The following GRAMD4 variants were observed in gnomAD, a reference collection of about 807,000 sequenced individuals.
GRAMD4 encodes the protein GRAM domain-containing protein 4.
GRAMD4 carries 25 observed loss-of-function variants against 83.9 expected under a neutral mutation model. The ratio of observed to expected loss-of-function variants is 0.30; its 90% confidence interval spans 0.22 to 0.42. GRAMD4 has a LOEUF of 0.42. GRAMD4 is among the 10% of genes least tolerant of loss of function. GRAMD4 has a pLI of 1.00. For missense variants in GRAMD4, 593 were observed against 788.7 expected (o/e 0.75, Z 2.97); for synonymous variants, 336 against 320.9 (o/e 1.05, Z -0.50).
rs1311058881 is a variant in GRAMD4 at position 46,676,617 on chromosome 22, C to T, written c.1581C>T (p.Val527=). Residue 527 remains valine, a synonymous_variant, in exon 18 of 19, where the codon GTC becomes GTT. Transcript: ENST00000406902. ...CCTTTCAGTACAAGGTCCTGTCTGT[C>T]CTCCCAGGCTCAGGCATGGGGATTG... ...TDIQKYKVLS[V]LPGSGMGIAV... 2.6e-6 allele frequency: 4 copies of T among 1,549,256 alleles called. No individual in the cohort carries two copies. The highest frequency in any genetic ancestry group is 2.0e-5 in the Admixed American group (1 of 50,992).
chr22:46,587,392 C>G (rs1024195991), intron 1 of GRAMD4, among the ~76,000 whole-genome samples: 1 of 152,106 alleles, frequency 6.6e-6, no homozygotes, highest in African/African-American at 2.4e-5. Context: ...TCCAAAAGCC[C>G]AGCCGTCCGG....
chr22:46,663,030 C>T lies in GRAMD4; in HGVS notation c.467-10C>T, dbSNP rs1309345222. On this transcript the variant is annotated splice_polypyrimidine_tract_variant and intron_variant, in intron 5 of 18. Transcript: ENST00000406902. The stretch of plus-strand genomic sequence containing the variant: ...CTGCCGTGCCCTCACCGGGTCCCTG[C>T]CCCCTGCAGAGCGCCGGAGCCAGGG... 2 of 1,599,616 alleles carry T rather than the reference C, an allele frequency of 1.3e-6. No individual in the cohort carries two copies. Among genetic ancestry groups the T allele is most frequent in the South Asian group, 1.1e-5 (1 of 90,158 alleles).
chr22:46,601,463 TTTTTA>T lies in GRAMD4; in HGVS notation c.-50+24179_-50+24183del, dbSNP rs1157382357. Among the ~76,000 whole-genome samples the T allele has an allele frequency of 2.3e-4, 35 of 151,860 alleles. 1 individual carries two copies. The East Asian group carries it at 6.7e-3, about 29-fold the overall frequency. Reference sequence around the variant, plus strand: ...GAATTAGGGTGTTTTGGGTTTTTTGTTTTTATTTTAATTTTTATTTTATTAAAATT... The same window carrying T: ...GAATTAGGGTGTTTTGGGTTTTTTGTTTTTAATTTTTATTTTATTAAAATT... On this transcript the variant is annotated intron_variant, in intron 1 of 1. Coordinates refer to the GRAMD4 transcript ENST00000431155.
chr22:46,652,379 G>A (rs1331421386), intron 3 of GRAMD4, among the ~76,000 whole-genome samples: 1 of 152,214 alleles, frequency 6.6e-6, no homozygotes, highest in Non-Finnish European at 1.5e-5. Flanking sequence ...GGAGCCTGCA[G>A]AAGGAACAGC....
In GRAMD4 at chr22:46,667,515, T is replaced by C. The variant is rs533658024; in HGVS notation, c.859-581T>C. Reference sequence around the variant, plus strand: ...GGCCATGGAAGCCAAAAATATTTACTGTCTGGCCCTTTACAGAAGTCTGCT... The same window carrying C: ...GGCCATGGAAGCCAAAAATATTTACCGTCTGGCCCTTTACAGAAGTCTGCT... On this transcript the variant is annotated intron_variant, in intron 10 of 18. Coordinates refer to ENST00000406902, the MANE Select transcript of GRAMD4 (RefSeq NM_015124.5). 3.9e-5 allele frequency among the ~76,000 whole-genome samples: 6 copies of C among 152,384 alleles called. No homozygotes were observed. In the South Asian group the frequency reaches 1.0e-3, roughly 26 times the overall value.
chr22:46,652,148 G>T (rs1258729859), intron 3 of GRAMD4, among the ~76,000 whole-genome samples: 2 of 152,194 alleles, frequency 1.3e-5, no homozygotes, highest in African/African-American at 4.8e-5. Context: ...CTTTGTAGAT[G>T]TGGATGAGTC....
At chr22:46,607,723 G>A (rs1308447360) in intron 1 of GRAMD4, among the ~76,000 whole-genome samples, 1 of 152,170 alleles carries the variant, frequency 6.6e-6, no homozygotes, top group Non-Finnish European at 1.5e-5. Flanking sequence ...CATTGGCCAG[G>A]GTGCTCCACG....
chr22:46,597,870 G>A (rs144439657), intron 1 of GRAMD4, among the ~76,000 whole-genome samples: 1,524 of 152,292 alleles, frequency 0.01, 29 homozygotes, highest in African/African-American at 0.035. Flanking sequence ...TAGGTGACAC[G>A]TTGGTTTTGT....
At chr22:46,607,594 A>C (rs898568933) in intron 1 of GRAMD4, among the ~76,000 whole-genome samples, 33 of 152,282 alleles carry the variant, frequency 2.2e-4, no homozygotes, top group African/African-American at 7.7e-4. Flanking sequence ...CCCTGGATGC[A>C]TCCTGACATG....
Position 46,643,119 on chromosome 22 carries a change from CCATG to C in GRAMD4, c.283+5163_283+5166del, listed in dbSNP as rs376682374. Among the ~76,000 whole-genome samples the C allele has an allele frequency of 7.9e-3, 813 of 102,302 alleles. 1 individual carries two copies. Among genetic ancestry groups the C allele is most frequent in the Non-Finnish European group, 9.4e-3 (438 of 46,674 alleles). 67.1% of individuals were successfully genotyped at this position (102,302 alleles called of 152,430 possible). A position where few individuals can be genotyped will look rare whatever the true frequency, so the allele number is the denominator to read the frequency against. ...TCCATCCATCCATCCATCCATCCAT[CCATG>C]CATCCATCCATGCATCCTTCCATCC... On this transcript the variant is annotated intron_variant, in intron 3 of 18. Transcript: ENST00000406902.
rs1368160199 is a variant in GRAMD4 at position 46,622,040 on chromosome 22, G to A, written c.-50+1475G>A. Among the ~76,000 whole-genome samples, 1 of 152,200 alleles carries A rather than the reference G, an allele frequency of 6.6e-6. No individual in the cohort carries two copies. Among genetic ancestry groups the A allele is most frequent in the Admixed American group, 6.5e-5 (1 of 15,288 alleles). On this transcript the variant is annotated intron_variant, in intron 1 of 18. Transcript: ENST00000406902. This position sits in a 1 kb window ranked among gnomAD's most constrained non-coding sequence, Gnocchi z 4.0. ...ACCCTGGGTTTGGGGCTGAGCCGGTGGCTGGGAGAGCAGACTGAGGAGTAG... is the reference window on the plus strand; with the variant it reads ...ACCCTGGGTTTGGGGCTGAGCCGGTAGCTGGGAGAGCAGACTGAGGAGTAG...
At chr22:46,603,563 C>G (rs553186400) in intron 1 of GRAMD4, among the ~76,000 whole-genome samples, 5 of 131,794 alleles carry the variant, frequency 3.8e-5, no homozygotes, top group African/African-American at 1.5e-4. Context: ...GTCACCCAGG[C>G]TGGAGTGCAG....
upstream of GRAMD4, among the ~76,000 whole-genome samples, chr22:46,618,340 CA>C (rs1373014902): frequency 1.3e-5 from 2 of 152,124 alleles, no homozygotes; most frequent in African/African-American, 4.8e-5. This position sits in a 1 kb window ranked among gnomAD's most constrained non-coding sequence, Gnocchi z 5.8. Flanking sequence ...AGGAAGCCAT[CA>C]GGGCAATCCA....
chr22:46,612,106 C>T (rs61496870), intron 1 of GRAMD4, among the ~76,000 whole-genome samples: 2,140 of 56,182 alleles, frequency 0.038, 23 homozygotes, highest in South Asian at 0.064. Flanking sequence ...TGGTCTCAAG[C>T]GACTCTCCTG....
chr22:46,579,608 G>A (rs961779834), intron 1 of GRAMD4, among the ~76,000 whole-genome samples: 3 of 152,200 alleles, frequency 2.0e-5, no homozygotes, highest in African/African-American at 7.2e-5. Context: ...CTGGGGCCCC[G>A]ATAGTCCCAT....
chr22:46,663,994 G>C, intron 7 of GRAMD4, 32 bp from the exon 8 acceptor site: 1 of 1,593,008 alleles, frequency 6.3e-7, no homozygotes. Flanking sequence ...CCTACCCACA[G>C]TGCTGACCAC....
At chr22:46,642,421 T>C (rs916052600) in intron 3 of GRAMD4, among the ~76,000 whole-genome samples, 3 of 152,250 alleles carry the variant, frequency 2.0e-5, no homozygotes, top group African/African-American at 4.8e-5. Flanking sequence ...CCAGGACTCC[T>C]AAGTGCCTGT....
chr22:46,615,445 G>T (rs547018069), upstream of GRAMD4, among the ~76,000 whole-genome samples: 1 of 138,874 alleles, frequency 7.2e-6, no homozygotes, highest in Admixed American at 7.0e-5. Flanking sequence ...TCCGCTGTGC[G>T]TGTCGGTTTC....
Position 46,620,561 on chromosome 22 carries a change from C to T in GRAMD4, c.-54C>T, listed in dbSNP as rs113269726. The T allele has an allele frequency of 4.4e-3, 388 of 89,152 alleles. 1 individual carries two copies. Among genetic ancestry groups the T allele is most frequent in the African/African-American group, 0.037 (319 of 8,684 alleles). 5.5% of individuals were successfully genotyped at this position (89,152 alleles called of 1,614,324 possible). On this transcript the variant is annotated 5_prime_UTR_variant, in exon 1 of 19. The change creates a new upstream start codon in the 5' untranslated region. Coordinates refer to ENST00000406902, the MANE Select transcript of GRAMD4 (RefSeq NM_015124.5). This position sits in a 1 kb window ranked among gnomAD's most constrained non-coding sequence, Gnocchi z 4.7. ...TGTTTCTGGATGTATCTGAGACAGA[C>T]GGAGGTAGGGGGCAGGGGGCAGGGG...
Sources: gnomAD v4.1 joint callset for allele counts (sites outside exome capture counted in the v4.1 genomes callset) on GRCh38, gnomAD v4.1.1 for gene constraint, Gnocchi (gnomAD v3.1) non-coding constraint, MANE v1.5 for transcripts, NCBI Gene and HGNC (gene_info 2026-07-23, HGNC 2026-07-21) for gene names.